Variants in ASTN2 observed in about 807,000 individuals in gnomAD.
ASTN2 encodes the protein astrotactin-2.
Under a neutral mutation model 139.8 loss-of-function variants are expected in ASTN2, and 54 were observed. That is an observed-to-expected ratio of 0.39 (90% confidence interval 0.31 to 0.48). The LOEUF (loss-of-function observed/expected upper bound fraction) is 0.48, where lower values mean the gene tolerates loss of function less well. Among genes scored for constraint, ASTN2 ranks in the 20% least tolerant of loss-of-function variants. The probability of loss-of-function intolerance (pLI) is 0.95; values close to 1 mark genes in which losing one functional copy is unlikely to be tolerated. For missense variants in ASTN2, 1,565 were observed against 1,725.1 expected (o/e 0.91, Z 1.64); for synonymous variants, 756 against 719.5 (o/e 1.05, Z -0.81).
At chr9:116,713,860 G>A (rs922029782) in intron 16 of ASTN2, among the ~76,000 whole-genome samples, 1 of 152,158 alleles carries the variant, frequency 6.6e-6, no homozygotes, top group Non-Finnish European at 1.5e-5. Context: ...CTGGCATGTA[G>A]TGAATTCTCA....
intron 2 of ASTN2, among the ~76,000 whole-genome samples, chr9:117,249,840 T>C (rs1833489254): frequency 6.6e-6 from 1 of 152,142 alleles, no homozygotes; most frequent in Non-Finnish European, 1.5e-5. Flanking sequence ...CCTTATCCTG[T>C]TGCCTTCTTT....
intron 11 of ASTN2, among the ~76,000 whole-genome samples, chr9:116,823,993 G>C (rs1297369766): frequency 6.6e-6 from 1 of 152,154 alleles, no homozygotes; most frequent in Non-Finnish European, 1.5e-5. Flanking sequence ...TGTTATAATA[G>C]TATGGACCAT....
intron 19 of ASTN2, among the ~76,000 whole-genome samples, chr9:116,524,265 G>A (rs1375756601): frequency 6.6e-6 from 1 of 152,130 alleles, no homozygotes; most frequent in Non-Finnish European, 1.5e-5. Context: ...ACAAATTTTT[G>A]TTATAGACTT....
intron 19 of ASTN2, among the ~76,000 whole-genome samples, chr9:116,512,127 C>T (rs1010778149): frequency 1.3e-5 from 2 of 152,154 alleles, no homozygotes; most frequent in African/African-American, 4.8e-5. Flanking sequence ...CCTGCTTTCT[C>T]TTGTGGGCAT....
At chr9:117,394,644 G>A (rs562786733) in intron 1 of ASTN2, among the ~76,000 whole-genome samples, 2 of 152,318 alleles carry the variant, frequency 1.3e-5, no homozygotes, top group Admixed American at 1.3e-4. Flanking sequence ...CAGAAATTCA[G>A]GAGAACAAGG....
intron 5 of ASTN2, among the ~76,000 whole-genome samples, chr9:117,075,876 T>A (rs545202663): frequency 2.2e-4 from 33 of 152,254 alleles, no homozygotes; most frequent in Admixed American, 1.0e-3. Flanking sequence ...GATCTCATAT[T>A]GTAAGGGCTA....
intron 3 of ASTN2, among the ~76,000 whole-genome samples, chr9:117,166,175 T>C (rs573162175): frequency 1.3e-5 from 2 of 152,150 alleles, no homozygotes; most frequent in South Asian, 2.1e-4. Context: ...CTGCATAACA[T>C]TGTATAATTC....
At chr9:117,025,850 C>A (rs1251324191) in intron 6 of ASTN2, among the ~76,000 whole-genome samples, 1 of 148,636 alleles carries the variant, frequency 6.7e-6, no homozygotes, top group Non-Finnish European at 1.5e-5. Flanking sequence ...GGAGTGCAGT[C>A]GCGTGATCTT....
intron 1 of ASTN2, among the ~76,000 whole-genome samples, chr9:117,361,220 A>T (rs1273021632): frequency 1.3e-5 from 2 of 152,214 alleles, no homozygotes; most frequent in Non-Finnish European, 2.9e-5. Flanking sequence ...TTTCCCCTGG[A>T]TGCACATCCA....
chr9:116,500,114 T>C (rs1184410953), intron 19 of ASTN2, among the ~76,000 whole-genome samples: 1 of 152,142 alleles, frequency 6.6e-6, no homozygotes, highest in Non-Finnish European at 1.5e-5. Context: ...AGCCTCACCC[T>C]TTGCTACAGC....
At chr9:117,264,171 AT>A (rs970834306) in intron 2 of ASTN2, among the ~76,000 whole-genome samples, 5 of 151,802 alleles carry the variant, frequency 3.3e-5, no homozygotes, top group Admixed American at 1.3e-4. Context: ...AAAATCTACA[AT>A]TTTTTTTTCT....
chr9:117,060,533 G>T (rs10983483), intron 5 of ASTN2, among the ~76,000 whole-genome samples: 1 of 118,720 alleles, frequency 8.4e-6, no homozygotes, highest in Non-Finnish European at 1.7e-5. Flanking sequence ...AAGGAAGGAA[G>T]GAAAGAAAGA....
At chr9:116,598,905 C>A (rs2131749877) in intron 19 of ASTN2, among the ~76,000 whole-genome samples, 1 of 152,282 alleles carries the variant, frequency 6.6e-6, no homozygotes, top group Admixed American at 6.5e-5. Context: ...TTTTATGAGG[C>A]ATTTCTGTTA....
At chr9:117,287,853 A>G (rs529718137) in intron 2 of ASTN2, among the ~76,000 whole-genome samples, 1 of 152,282 alleles carries the variant, frequency 6.6e-6, no homozygotes, top group South Asian at 2.1e-4. Context: ...ATTAGGCACC[A>G]TTGTATGTTT....
intron 1 of ASTN2, among the ~76,000 whole-genome samples, chr9:117,364,248 G>A (rs1237476664): frequency 6.6e-6 from 1 of 152,146 alleles, no homozygotes; most frequent in East Asian, 1.9e-4. Flanking sequence ...ATAGTGACTT[G>A]TTCAAGGTCT....
At chr9:117,033,137 A>G (rs1337605445) in intron 6 of ASTN2, among the ~76,000 whole-genome samples, 1 of 152,170 alleles carries the variant, frequency 6.6e-6, no homozygotes, top group East Asian at 1.9e-4. Context: ...AAAGAAACAT[A>G]TTCTAAAAGT....
intron 6 of ASTN2, among the ~76,000 whole-genome samples, chr9:117,024,095 G>A (rs976393200): frequency 5.3e-5 from 8 of 152,098 alleles, no homozygotes; most frequent in Non-Finnish European, 8.8e-5. Context: ...ATCCTCAAAC[G>A]AGTTCTTCAA....
At chr9:117,260,879 C>T (rs572497724) in intron 2 of ASTN2, among the ~76,000 whole-genome samples, 62 of 152,200 alleles carry the variant, frequency 4.1e-4, no homozygotes, top group Non-Finnish European at 7.2e-4. Flanking sequence ...CTTAAATTGA[C>T]GGGGAAGACT....
intron 1 of ASTN2, among the ~76,000 whole-genome samples, chr9:117,310,051 T>G (rs1827926300): frequency 6.6e-6 from 1 of 152,192 alleles, no homozygotes; most frequent in African/African-American, 2.4e-5. Context: ...ATGGGGTAAC[T>G]TGACAGGGTG....
Sources: gnomAD v4.1 joint callset for allele counts (sites outside exome capture counted in the v4.1 genomes callset) on GRCh38, gnomAD v4.1.1 for gene constraint, MANE v1.5 for transcripts, NCBI Gene and HGNC (gene_info 2026-07-23, HGNC 2026-07-21) for gene names.